The following LGR6 variants were observed in gnomAD, a reference collection of about 807,000 sequenced individuals.
LGR6 encodes the protein leucine rich repeat containing G protein-coupled receptor 6.
In LGR6, 45 loss-of-function variants were observed where a neutral mutation model predicts 69.4. The observed-to-expected ratio is 0.65, with a 90% CI of 0.51 to 0.83. The LOEUF is 0.83. Among genes scored for constraint, LGR6 ranks in the 40% least tolerant of loss-of-function variants. The pLI is 0.00. For missense variants in LGR6, 1,108 were observed against 1,246.7 expected (o/e 0.89, Z 1.68); for synonymous variants, 538 against 555.0 (o/e 0.97, Z 0.43).
chr1:202,313,748 G>A (rs1653925240), intron 16 of LGR6, among the ~76,000 whole-genome samples: 1 of 152,196 alleles, frequency 6.6e-6, no homozygotes, highest in South Asian at 2.1e-4. Context: ...GGGGGCACAT[G>A]TGATTATTTA....
Position 202,278,738 on chromosome 1 carries a change from A to G in LGR6, c.645-2043A>G, listed in dbSNP as rs190114520. Among the ~76,000 whole-genome samples the G allele has an allele frequency of 2.0e-5, 3 of 152,252 alleles. No individual in the cohort carries two copies. The East Asian group carries it at 5.8e-4, about 29-fold the overall frequency. ...CAAAAAAGATATTTGGTTAAAATCA[A>G]GGGTTGTACAGGGGCCTGGCTGGAG... On this transcript the variant is annotated intron_variant, in intron 5 of 17. Coordinates refer to ENST00000367278, the MANE Select transcript of LGR6 (RefSeq NM_001017403.2).
At chr1:202,200,739 CT>C (rs758013252) in intron 1 of LGR6, among the ~76,000 whole-genome samples, 20 of 152,210 alleles carry the variant, frequency 1.3e-4, no homozygotes, top group African/African-American at 4.8e-4. Flanking sequence ...TCCTCCCGCC[CT>C]TCAGACATGG....
At chr1:202,284,283 C>T (rs1288222405) in intron 6 of LGR6, among the ~76,000 whole-genome samples, 1 of 152,188 alleles carries the variant, frequency 6.6e-6, no homozygotes, top group Non-Finnish European at 1.5e-5. Context: ...CATGCTCCAT[C>T]CTGCATCCAC....
intron 4 of LGR6, among the ~76,000 whole-genome samples, chr1:202,238,195 C>G (rs1661773232): frequency 6.6e-6 from 1 of 151,824 alleles, no homozygotes; most frequent in African/African-American, 2.4e-5. Context: ...CTCCTAGGCT[C>G]AAGCCACCCC....
At chr1:202,266,620 G>C (rs946296051) in intron 4 of LGR6, among the ~76,000 whole-genome samples, 1 of 152,052 alleles carries the variant, frequency 6.6e-6, no homozygotes, top group Non-Finnish European at 1.5e-5. Flanking sequence ...GCGTCACCCA[G>C]GACCCTCTGC....
At chr1:202,204,229 CCACA>C (rs1180978852) in intron 1 of LGR6, among the ~76,000 whole-genome samples, 6 of 139,018 alleles carry the variant, frequency 4.3e-5, no homozygotes, top group East Asian at 4.1e-4. Flanking sequence ...ACACACACCT[CCACA>C]CACACACACA....
intron 4 of LGR6, among the ~76,000 whole-genome samples, chr1:202,269,770 G>C (rs1371318532): frequency 6.6e-6 from 1 of 152,158 alleles, no homozygotes; most frequent in South Asian, 2.1e-4. Context: ...GACCTGAATG[G>C]AACAGAAGAG....
Position 202,297,590 on chromosome 1 carries a change from T to C in LGR6, c.785+14T>C, listed in dbSNP as rs1667254950. ...ACTGCAGGAACTGTAAGCGCCTCTT[T>C]TGGTTTCTGTGGGTGTCCTTCTGTC... On this transcript the variant is annotated intron_variant, in intron 7 of 17. Coordinates refer to ENST00000367278, the MANE Select transcript of LGR6 (RefSeq NM_001017403.2). The C allele has an allele frequency of 6.2e-7, 1 of 1,612,020 alleles. No individual in the cohort carries two copies. The highest frequency in any genetic ancestry group is 8.5e-7 in the Non-Finnish European group (1 of 1,178,786).
At chr1:202,214,189 C>T (rs768988876) in intron 1 of LGR6, 1 of 1,531,118 alleles carries the variant, frequency 6.5e-7, no homozygotes, top group South Asian at 1.3e-5. Flanking sequence ...TCAGCGAGGG[C>T]GGGACAGAAC....
chr1:202,271,273 C>A (rs1273086171), intron 4 of LGR6, among the ~76,000 whole-genome samples: 6 of 152,100 alleles, frequency 3.9e-5, no homozygotes, highest in Non-Finnish European at 7.4e-5. Flanking sequence ...ATCCAATACC[C>A]CTTTCCTGGC....
chr1:202,236,995 G>A (rs1198012878), intron 4 of LGR6, among the ~76,000 whole-genome samples: 5 of 152,128 alleles, frequency 3.3e-5, no homozygotes, highest in African/African-American at 1.2e-4. Context: ...ACCTTACACA[G>A]AGGGCCAGCT....
chr1:202,312,720 C>T (rs1192138374), intron 16 of LGR6, among the ~76,000 whole-genome samples: 1 of 152,238 alleles, frequency 6.6e-6, no homozygotes, highest in Non-Finnish European at 1.5e-5. Context: ...TCTTCAGACA[C>T]ATTTCCAGTC....
chr1:202,284,724 A>G (rs79567588), intron 6 of LGR6, among the ~76,000 whole-genome samples: 1 of 151,734 alleles, frequency 6.6e-6, no homozygotes, highest in Admixed American at 6.6e-5. Flanking sequence ...TCTTCGCAAG[A>G]AAAAAAAAGG....
intron 5 of LGR6, among the ~76,000 whole-genome samples, chr1:202,279,874 G>C (rs1001807259): frequency 1.3e-5 from 2 of 152,090 alleles, no homozygotes; most frequent in South Asian, 4.1e-4. Context: ...TGTAGTGTTG[G>C]TCCTCAACTT....
intron 4 of LGR6, among the ~76,000 whole-genome samples, chr1:202,265,220 A>G (rs1026558309): frequency 6.6e-6 from 1 of 152,146 alleles, no homozygotes; most frequent in Non-Finnish European, 1.5e-5. Context: ...TTCTCACTCC[A>G]GCTTCTGGTG....
At chr1:202,213,314 T>C (rs1359040748) in intron 1 of LGR6, among the ~76,000 whole-genome samples, 1 of 152,106 alleles carries the variant, frequency 6.6e-6, no homozygotes, top group African/African-American at 2.4e-5. Context: ...CTGGTAGTCT[T>C]AGTTACACAC....
chr1:202,287,660 C>T (rs939297445), intron 6 of LGR6, among the ~76,000 whole-genome samples: 1 of 152,212 alleles, frequency 6.6e-6, no homozygotes, highest in East Asian at 1.9e-4. Context: ...GGCAGCTTTA[C>T]TCCTGCAGTT....
In LGR6 at chr1:202,277,822, G is replaced by A. The variant is rs536134958; in HGVS notation, c.644+1301G>A. Among the ~76,000 whole-genome samples the A allele has an allele frequency of 4.2e-4, 63 of 151,034 alleles. 1 individual carries two copies. In the South Asian group the frequency reaches 0.011, roughly 27 times the overall value. On this transcript the variant is annotated intron_variant, in intron 5 of 17. Transcript: ENST00000367278. Reference sequence around the variant, plus strand: ...ATAGCAGCATAGATATGGTGGGAAGGCTGAGGTGGAGGGGAAGGAGGCTTC... The same window carrying A: ...ATAGCAGCATAGATATGGTGGGAAGACTGAGGTGGAGGGGAAGGAGGCTTC...
intron 3 of LGR6, among the ~76,000 whole-genome samples, chr1:202,235,457 C>T (rs1449573853): frequency 6.6e-6 from 1 of 152,196 alleles, no homozygotes. Context: ...TTGCCTGGGG[C>T]ACTGACACCC....
Sources: allele counts gnomAD v4.1 joint callset (sites outside exome capture counted in the v4.1 genomes callset), GRCh38; gene constraint gnomAD v4.1.1; transcripts MANE v1.5; gene names NCBI Gene and HGNC (gene_info 2026-07-23, HGNC 2026-07-21).